The following NEB variants were observed in gnomAD, a reference collection of about 807,000 sequenced individuals.
NEB encodes the protein nemaline myopathy type 2.
Under a neutral mutation model 952.2 loss-of-function variants are expected in NEB, and 512 were observed. That is an observed-to-expected ratio of 0.54 (90% CI 0.50 to 0.58). The LOEUF is 0.58. NEB is among the 20% of genes least tolerant of loss of function. The pLI, the probability that NEB is intolerant of heterozygous loss-of-function variation, is 0.00. For missense variants in NEB, 8,428 were observed against 9,231.1 expected (o/e 0.91, Z 3.56); for synonymous variants, 2,900 against 3,149.8 (o/e 0.92, Z 2.66).
chr2:151,510,381 G>A (rs2073197808), intron 161 of NEB, among the ~76,000 whole-genome samples: 1 of 152,220 alleles, frequency 6.6e-6, no homozygotes, highest in Admixed American at 6.5e-5. Flanking sequence ...CCCAGCCTTT[G>A]TACAGGGACA....
chr2:151,629,721 T>C (rs1221589092), intron 67 of NEB, 75 bp from the exon 68 acceptor site: 5 of 1,269,876 alleles, frequency 3.9e-6, no homozygotes, highest in Non-Finnish European at 5.7e-6. Context: ...GTGACTTATA[T>C]CCTAAAATTT....
At chr2:151,616,162 G>T in intron 75 of NEB, 53 bp from the exon 76 acceptor site, 1 of 1,230,362 alleles carries the variant, frequency 8.1e-7, no homozygotes, top group Non-Finnish European at 1.2e-6. Context: ...AAGTGAAGCT[G>T]TTCATTATTA....
Position 151,498,319 on chromosome 2 carries a change from G to T in NEB, c.24148C>A (p.Pro8050Thr), listed in dbSNP as rs2061744042. ...TGCATCTCAGGAGTGATGGGGATTG[G>T]AATTCCTGTCCCCAGGTTTTCTTTG... is the stretch of plus-strand genomic sequence containing the variant. ...LYKENLGTGI[P>T]IPITPEMQRV... is the part of the protein sequence containing the mutation. Residue 8050 changes from proline (P) to threonine (T), a missense_variant, in exon 170 of 182, where the codon CCA becomes ACA. Transcript: ENST00000397345. The T allele has an allele frequency of 6.4e-7, 1 of 1,551,302 alleles. No homozygotes were observed. Among genetic ancestry groups the T allele is most frequent in the East Asian group, 2.4e-5 (1 of 40,900 alleles).
chr2:151,665,617 T>C lies in NEB; in HGVS notation c.5032-78A>G, dbSNP rs996178679. On this transcript the variant is annotated intron_variant, in intron 41 of 181. Transcript: ENST00000397345. ...CTTTGGCTATGTGATTTACTTACAA[T>C]CAAAAAGAAAAAGAGAAGCTGGGAG... is the stretch of plus-strand genomic sequence containing the variant. 3.0e-5 allele frequency: 38 copies of C among 1,270,936 alleles called. No homozygotes were observed. In the Middle Eastern group the frequency reaches 1.6e-3, roughly 55 times the overall value. The allele number at this position is 1,270,936 out of a possible 1,614,324, so 78.7% of individuals were successfully genotyped here. A position where few individuals can be genotyped will look rare whatever the true frequency, so the allele number is the denominator to read the frequency against.
intron 66 of NEB, 113 bp downstream of exon 66, chr2:151,631,030 A>G: frequency 7.2e-7 from 1 of 1,395,570 alleles, no homozygotes; most frequent in Admixed American, 2.1e-5. Flanking sequence ...CATGTAATTT[A>G]AAAGGTAAAA....
At chr2:151,689,066 T>C (rs1028194949) in intron 24 of NEB, 3 of 152,228 alleles carry the variant, frequency 2.0e-5, no homozygotes, top group African/African-American at 4.8e-5. Context: ...TTCTGTTATA[T>C]ACACAGGAAC....
chr2:151,532,404 A>G (rs2091780894), intron 143 of NEB, among the ~76,000 whole-genome samples: 1 of 152,210 alleles, frequency 6.6e-6, no homozygotes. Flanking sequence ...GCATTTTTCC[A>G]TGTCAAAGAT....
chr2:151,574,093 G>C (rs1004013300), intron 107 of NEB, among the ~76,000 whole-genome samples: 2 of 152,100 alleles, frequency 1.3e-5, no homozygotes, highest in Non-Finnish European at 2.9e-5. Context: ...TCCTGCCTCA[G>C]TCTCCTGAGT....
Position 151,662,145 on chromosome 2 carries a change from A to G in NEB, c.5960T>C (p.Ile1987Thr). 6.2e-7 allele frequency: 1 copy of G among 1,611,646 alleles called. No individual in the cohort carries two copies. Among genetic ancestry groups the G allele is most frequent in the Non-Finnish European group, 8.5e-7 (1 of 1,178,312 alleles). The change falls in exon 46 of 182, where the codon ATT becomes ACT. Residue 1987 changes from isoleucine to threonine, a missense_variant. By Grantham distance (89) the Ile-to-Thr change is moderately conservative (BLOSUM62 -1). This residue lies in a region of NEB where 2,851 missense variants were observed against 2,791.5 expected (regional missense o/e 1.02). Coordinates refer to ENST00000397345, the MANE Select transcript of NEB (RefSeq NM_001164508.2). Reference sequence around the variant, plus strand: ...TATTGAAAGACTTACTTCGTTCATAATTTTTGCATTATTCTGGGCCAAAAC... The same window carrying G: ...TATTGAAAGACTTACTTCGTTCATAGTTTTTGCATTATTCTGGGCCAAAAC... ...NMVLAQNNAK[I>T]MNEHLYKQAW...
chr2:151,533,605 G>C, intron 142 of NEB, 59 bp from the exon 143 acceptor site: 1 of 1,087,548 alleles, frequency 9.2e-7, no homozygotes, highest in Non-Finnish European at 1.4e-6. Flanking sequence ...AAAAGAACAC[G>C]GCTCTATATC....
rs1477177464 is a variant in NEB at position 151,565,115 on chromosome 2, C to G, written c.18400G>C (p.Gly6134Arg). The G allele has an allele frequency of 6.3e-7, 1 of 1,593,468 alleles. No homozygotes were observed. Among genetic ancestry groups the G allele is most frequent in the South Asian group, 1.1e-5 (1 of 88,148 alleles). ...GTATCTGGTGAAAACGTATATTTGCCCTTTGCTTTATTAAATGTTTCTTTA... is the reference window on the plus strand; with the variant it reads ...GTATCTGGTGAAAACGTATATTTGCGCTTTGCTTTATTAAATGTTTCTTTA... ...KYKETFNKAK[G>R]KYTFSPDTPH... is the part of the protein sequence containing the mutation. The change falls in exon 117 of 182, where the codon GGC becomes CGC. Residue 6134 changes from glycine (G) to arginine (R), a missense_variant. This residue lies in a region of NEB where 3,374 missense variants were observed against 3,651.5 expected (regional missense o/e 0.92). Transcript: ENST00000397345.
In NEB at chr2:151,666,310, T is replaced by G. The variant is rs1400154288; in HGVS notation, c.4811A>C (p.Asn1604Thr). ...QDDPKLVHYM[N>T]VAKIQSDREY... ...ACGATCAGACTGGATTTTGGCCACATTCATGTAGTGAACCAGTTTAGGATC... is the reference window on the plus strand; with the variant it reads ...ACGATCAGACTGGATTTTGGCCACAGTCATGTAGTGAACCAGTTTAGGATC... Residue 1604 changes from asparagine (N) to threonine (T), a missense_variant, in exon 41 of 182, where the codon AAT becomes ACT. Physicochemically the swap from Asn to Thr is moderately conservative, Grantham distance 65. Coordinates refer to ENST00000397345, the MANE Select transcript of NEB (RefSeq NM_001164508.2). 1 of 1,613,914 alleles carries G rather than the reference T, an allele frequency of 6.2e-7. No individual in the cohort carries two copies. The highest frequency in any genetic ancestry group is 8.5e-7 in the Non-Finnish European group (1 of 1,179,860).
intron 168 of NEB, 63 bp from the exon 169 acceptor site, chr2:151,499,453 C>A: frequency 1.2e-6 from 1 of 855,712 alleles, no homozygotes; most frequent in East Asian, 2.7e-5. Context: ...TTTCATCTAC[C>A]TTGTGGGGAA....
chr2:151,512,019 CTTTTTT>C (rs71403173), intron 161 of NEB, among the ~76,000 whole-genome samples: 7 of 93,586 alleles, frequency 7.5e-5, no homozygotes, highest in South Asian at 3.7e-4. Context: ...CCCTCTCACT[CTTTTTT>C]TTTTTTTTTT....
chr2:151,655,740 A>T, intron 50 of NEB, 77 bp downstream of exon 50: 5 of 1,476,614 alleles, frequency 3.4e-6, no homozygotes, highest in Non-Finnish European at 4.7e-6. Context: ...CCTTAATTAG[A>T]TTTCTCCAAA....
At chr2:151,618,181 CTTA>C (rs539838130) in intron 74 of NEB, 91 bp downstream of exon 74, 48 of 1,130,314 alleles carry the variant, frequency 4.2e-5, no homozygotes, top group South Asian at 7.9e-5. Flanking sequence ...TATCATAATG[CTTA>C]TTATTATCTT....
At chr2:151,494,291 A>G (rs1400478221) in intron 173 of NEB, 38 bp from the exon 174 acceptor site, 1 of 1,401,508 alleles carries the variant, frequency 7.1e-7, no homozygotes, top group Non-Finnish European at 9.9e-7. Context: ...CCAAAAAGAA[A>G]AAGAGTTAAC....
chr2:151,635,634 G>A (rs1390855382), intron 64 of NEB, among the ~76,000 whole-genome samples: 3 of 151,108 alleles, frequency 2.0e-5, no homozygotes, highest in Admixed American at 6.6e-5. Flanking sequence ...TGACCCCAGG[G>A]GGCAGAGGTT....
rs2099787921 is a variant in NEB at position 151,725,537 on chromosome 2, C to A, written c.318G>T (p.Glu106Asp). 6.2e-7 allele frequency: 1 copy of A among 1,613,234 alleles called. No individual in the cohort carries two copies. Among genetic ancestry groups the A allele is most frequent in the African/African-American group, 1.3e-5 (1 of 74,820 alleles). ...FSPNKYKEKF[E>D]KTKGQPYAST... ...TGGCGTATGGCTGTCCTTTTGTTTTCTCAAACTTCTCCTTGTATTTATTCT... is the reference window on the plus strand; with the variant it reads ...TGGCGTATGGCTGTCCTTTTGTTTTATCAAACTTCTCCTTGTATTTATTCT... Residue 106 changes from glutamate (E) to aspartate (D), a missense_variant, in exon 6 of 182, where the codon GAG (glutamate) becomes GAT (aspartate). Transcript: ENST00000397345.
Sources: allele counts gnomAD v4.1 joint callset (sites outside exome capture counted in the v4.1 genomes callset), GRCh38; gene constraint gnomAD v4.1.1; regional missense constraint gnomAD v4.1.1; transcripts MANE v1.5; gene names NCBI Gene and HGNC (gene_info 2026-07-23, HGNC 2026-07-21).